Variants in CTNNA2 observed in about 807,000 individuals in gnomAD.
CTNNA2 encodes the protein catenin alpha 2.
Under a neutral mutation model 101.0 loss-of-function variants are expected in CTNNA2, and 42 were observed. The ratio of observed to expected loss-of-function variants is 0.42; its 90% CI spans 0.32 to 0.54. The LOEUF (loss-of-function observed/expected upper bound fraction) is 0.54, where lower values mean the gene tolerates loss of function less well. CTNNA2 is among the 20% of genes least tolerant of loss of function. The pLI is 0.14. For synonymous variants in CTNNA2, 450 were observed against 456.4 expected (o/e 0.99, Z 0.18); for missense variants, 871 against 1,223.1 (o/e 0.71, Z 4.29).
At chr2:79,678,398 T>C (rs1176350650) in intron 2 of CTNNA2, among the ~76,000 whole-genome samples, 1 of 151,892 alleles carries the variant, frequency 6.6e-6, no homozygotes, top group East Asian at 1.9e-4. Context: ...CAAAAGTTAG[T>C]TGGGTGTGGT....
intron 1 of CTNNA2, among the ~76,000 whole-genome samples, chr2:79,516,957 A>G (rs570153630): frequency 6.6e-6 from 1 of 152,184 alleles, no homozygotes; most frequent in South Asian, 2.1e-4. Context: ...CCAGGGGCTT[A>G]TTTACTTTTC....
chr2:80,213,415 C>A (rs983517256), intron 7 of CTNNA2, among the ~76,000 whole-genome samples: 1 of 152,240 alleles, frequency 6.6e-6, no homozygotes, highest in African/African-American at 2.4e-5. Context: ...TATGTTGTGT[C>A]TTTGTTCTTA....
intron 4 of CTNNA2, among the ~76,000 whole-genome samples, chr2:79,429,563 TCATTCTGCAATGA>T (rs1489316971): frequency 6.6e-6 from 1 of 152,170 alleles, no homozygotes; most frequent in Non-Finnish European, 1.5e-5. Flanking sequence ...AAATTATAAT[TCATTCTGCAATGA>T]CACTAAGGAC....
At chr2:80,170,174 T>C (rs889445894) in intron 7 of CTNNA2, among the ~76,000 whole-genome samples, 2 of 152,146 alleles carry the variant, frequency 1.3e-5, no homozygotes, top group Admixed American at 6.6e-5. Context: ...TTCCAACTCT[T>C]AGTTCTGCCT....
intron 1 of CTNNA2, among the ~76,000 whole-genome samples, chr2:79,619,861 C>A (rs1004714881): frequency 1.3e-5 from 2 of 152,264 alleles, no homozygotes; most frequent in African/African-American, 4.8e-5. Flanking sequence ...GGTCTTCTTA[C>A]AAAGAAAAAT....
At chr2:79,409,195 A>G (rs1477397842) in intron 4 of CTNNA2, among the ~76,000 whole-genome samples, 3 of 152,122 alleles carry the variant, frequency 2.0e-5, no homozygotes, top group Non-Finnish European at 4.4e-5. Flanking sequence ...GATTCTGGAT[A>G]TTAGCCCTTT....
chr2:80,488,910 C>G (rs1422466081), intron 9 of CTNNA2, among the ~76,000 whole-genome samples: 1 of 152,198 alleles, frequency 6.6e-6, no homozygotes, highest in African/African-American at 2.4e-5. Context: ...TGCACATACA[C>G]ATATACACAC....
intron 2 of CTNNA2, among the ~76,000 whole-genome samples, chr2:79,275,241 G>A (rs1477506346): frequency 6.6e-6 from 1 of 152,018 alleles, no homozygotes; most frequent in Non-Finnish European, 1.5e-5. Context: ...CCCAAAAGAG[G>A]TAACTGGAGT....
intron 7 of CTNNA2, among the ~76,000 whole-genome samples, chr2:80,237,900 T>G (rs1709628869): frequency 6.6e-6 from 1 of 152,080 alleles, no homozygotes; most frequent in South Asian, 2.1e-4. Flanking sequence ...GACCCTCTCC[T>G]AAGGTGCTCA....
intron 4 of CTNNA2, among the ~76,000 whole-genome samples, chr2:79,397,341 C>A (rs886903233): frequency 1.3e-5 from 2 of 151,974 alleles, no homozygotes; most frequent in African/African-American, 4.8e-5. Context: ...TATTTTGGTA[C>A]CCCTTAATCA....
At chr2:79,292,927 G>C (rs756332534) in intron 2 of CTNNA2, 5 of 152,210 alleles carry the variant, frequency 3.3e-5, no homozygotes, top group Non-Finnish European at 7.3e-5. Flanking sequence ...AATCACCTTT[G>C]TTTTCACTCA....
At chr2:80,370,041 T>G (rs181458799) in intron 7 of CTNNA2, among the ~76,000 whole-genome samples, 20 of 152,272 alleles carry the variant, frequency 1.3e-4, no homozygotes, top group Non-Finnish European at 2.5e-4. Flanking sequence ...GCAACACAGA[T>G]GCTAAAATAT....
chr2:79,563,418 A>G (rs1042966628), intron 1 of CTNNA2, among the ~76,000 whole-genome samples: 2 of 152,060 alleles, frequency 1.3e-5, no homozygotes, highest in African/African-American at 4.8e-5. Context: ...AATCAGGACA[A>G]TACACTATAG....
At position 80,262,314 on chromosome 2, in the gene CTNNA2, G is replaced by A. The variant is rs114328830; in HGVS notation, c.1057-130897G>A. Among the ~76,000 whole-genome samples the A allele has an allele frequency of 7.8e-3, 1,188 of 152,174 alleles. 16 individuals are homozygous for A. Among genetic ancestry groups the A allele is most frequent in the African/African-American group, 0.027 (1,127 of 41,516 alleles). On this transcript the variant is annotated intron_variant, in intron 7 of 18. Transcript: ENST00000402739. ...TTTGTTAATATAAATTTTATTGGCT[G>A]CAGAGTGTTCTGTTCTATAGATTAT...
intron 2 of CTNNA2, among the ~76,000 whole-genome samples, chr2:79,230,836 C>G (rs898857500): frequency 3.3e-5 from 5 of 152,238 alleles, no homozygotes; most frequent in African/African-American, 7.2e-5. Flanking sequence ...GGATGCAAGA[C>G]ATGGAGTCAA....
chr2:80,559,878 T>TATCTATCTATCTATATA (rs1693393440), intron 12 of CTNNA2, among the ~76,000 whole-genome samples: 2 of 114,022 alleles, frequency 1.8e-5, no homozygotes, highest in Admixed American at 8.4e-5. Flanking sequence ...GATATCATAT[T>TATCTATCTATCTATATA]TATATATATA....
chr2:79,588,985 G>A lies in CTNNA2; in HGVS notation c.-5-62567G>A, dbSNP rs376319993. The stretch of plus-strand genomic sequence containing the variant: ...CATAAGGCATTTGGAGGACTAACCA[G>A]GCAAAGTGCCTAGCACTTACTGAGT... On this transcript the variant is annotated intron_variant, in intron 1 of 18. Transcript: ENST00000402739. Among the ~76,000 whole-genome samples, 4 of 152,182 alleles carry A rather than the reference G, an allele frequency of 2.6e-5. No homozygotes were observed. In the East Asian group the frequency reaches 7.7e-4, roughly 29 times the overall value.
chr2:79,950,942 A>G (rs937975694), intron 7 of CTNNA2, among the ~76,000 whole-genome samples: 2 of 152,116 alleles, frequency 1.3e-5, no homozygotes, highest in East Asian at 3.9e-4. Flanking sequence ...AATCTCTAAA[A>G]CATGCTTGGG....
At chr2:79,788,701 A>G (rs1184280340) in intron 3 of CTNNA2, among the ~76,000 whole-genome samples, 3 of 152,158 alleles carry the variant, frequency 2.0e-5, no homozygotes, top group Non-Finnish European at 4.4e-5. Flanking sequence ...CCATGCACAC[A>G]ATTTACTGAC....
Sources: allele counts gnomAD v4.1 joint callset (sites outside exome capture counted in the v4.1 genomes callset), GRCh38; gene constraint gnomAD v4.1.1; transcripts MANE v1.5; gene names NCBI Gene and HGNC (gene_info 2026-07-23, HGNC 2026-07-21).